The following PCCA variants were observed in gnomAD, a reference collection of about 807,000 sequenced individuals.
The protein encoded by PCCA is propionyl-CoA carboxylase subunit alpha.
In PCCA, 74 loss-of-function variants were observed where a neutral mutation model predicts 101.3. That is an observed-to-expected ratio of 0.73 (90% confidence interval 0.61 to 0.89). The LOEUF (loss-of-function observed/expected upper bound fraction) is 0.89, where lower values mean the gene tolerates loss of function less well. Ranked by LOEUF, PCCA falls within the 40% of genes least tolerant of loss-of-function variation. The pLI, the probability that PCCA is intolerant of heterozygous loss-of-function variation, is 0.00. For synonymous variants in PCCA, 294 were observed against 313.6 expected, an observed-to-expected ratio of 0.94 and a Z score of 0.66; for missense variants, 891 against 907.0, an observed-to-expected ratio of 0.98 and a Z score of 0.23.
At chr13:100,387,523 C>T (rs972576718) in intron 19 of PCCA, among the ~76,000 whole-genome samples, 3 of 152,106 alleles carry the variant, frequency 2.0e-5, no homozygotes, top group Admixed American at 1.3e-4. Flanking sequence ...CAAGAACATC[C>T]AAAAGTAACC....
intron 19 of PCCA, among the ~76,000 whole-genome samples, chr13:100,404,612 G>T (rs2077564063): frequency 6.6e-6 from 1 of 152,148 alleles, no homozygotes; most frequent in South Asian, 2.1e-4. Flanking sequence ...CTCAGGGTTA[G>T]TGAGGGAGAG....
intron 22 of PCCA, among the ~76,000 whole-genome samples, chr13:100,522,762 C>T (rs1281039199): frequency 6.6e-6 from 1 of 152,192 alleles, no homozygotes; most frequent in African/African-American, 2.4e-5. Flanking sequence ...GTGTGGGAGA[C>T]CACAGCTGTT....
chr13:100,285,166 G>A (rs1458091053), intron 12 of PCCA, among the ~76,000 whole-genome samples: 3 of 152,160 alleles, frequency 2.0e-5, no homozygotes, highest in Non-Finnish European at 2.9e-5. Flanking sequence ...GGGGTTCCTT[G>A]GAATTACTGG....
intron 16 of PCCA, among the ~76,000 whole-genome samples, chr13:100,329,388 T>C (rs900967887): frequency 2.6e-5 from 4 of 152,098 alleles, no homozygotes; most frequent in African/African-American, 9.7e-5. Flanking sequence ...TCAAGAAGTT[T>C]TGCAAAGGAG....
At chr13:100,383,610 G>A (rs540437778) in intron 19 of PCCA, among the ~76,000 whole-genome samples, 3 of 150,798 alleles carry the variant, frequency 2.0e-5, no homozygotes, top group African/African-American at 2.4e-5. Context: ...CCTGGACCCC[G>A]TGTCGAAAAA....
At chr13:100,412,551 G>T (rs1344273464) in intron 19 of PCCA, among the ~76,000 whole-genome samples, 1 of 152,200 alleles carries the variant, frequency 6.6e-6, no homozygotes. Context: ...AAGGACACTG[G>T]TAACTGTAAA....
chr13:100,152,138 T>C (rs1361055576), intron 4 of PCCA, among the ~76,000 whole-genome samples: 1 of 152,180 alleles, frequency 6.6e-6, no homozygotes, highest in East Asian at 1.9e-4. Flanking sequence ...ATGTTTTCTT[T>C]TGCATGGCCT....
At chr13:100,109,729 G>A (rs1273604681) in intron 2 of PCCA, among the ~76,000 whole-genome samples, 1 of 152,114 alleles carries the variant, frequency 6.6e-6, no homozygotes, top group African/African-American at 2.4e-5. Flanking sequence ...TTTAAGGCAG[G>A]GGCTTGGCTC....
chr13:100,460,429 A>C (rs549659832), intron 21 of PCCA, among the ~76,000 whole-genome samples: 75 of 152,318 alleles, frequency 4.9e-4, no homozygotes, highest in African/African-American at 1.7e-3. Flanking sequence ...ATGAAAGAGA[A>C]AATAAGCTTA....
chr13:100,334,814 T>A (rs1237136542), intron 17 of PCCA, among the ~76,000 whole-genome samples: 2 of 152,108 alleles, frequency 1.3e-5, no homozygotes, highest in Admixed American at 6.5e-5. Flanking sequence ...AAGTGCATAC[T>A]AGGAGTTTCA....
At chr13:100,466,650 G>A (rs2082540660) in intron 21 of PCCA, among the ~76,000 whole-genome samples, 1 of 152,120 alleles carries the variant, frequency 6.6e-6, no homozygotes, top group Non-Finnish European at 1.5e-5. Flanking sequence ...CTGAGGTCAC[G>A]AGTTTGAGAC....
At chr13:100,350,349 A>T (rs1300994396) in intron 18 of PCCA, among the ~76,000 whole-genome samples, 1 of 152,206 alleles carries the variant, frequency 6.6e-6, no homozygotes, top group Admixed American at 6.5e-5. Context: ...CAATAAAAAA[A>T]AATAGCACTT....
At chr13:100,239,983 C>G (rs1198260771) in intron 8 of PCCA, among the ~76,000 whole-genome samples, 1 of 152,062 alleles carries the variant, frequency 6.6e-6, no homozygotes, top group African/African-American at 2.4e-5. Flanking sequence ...GTAAATACAT[C>G]AATAGGCATT....
At chr13:100,472,873 A>T (rs181730856) in intron 21 of PCCA, among the ~76,000 whole-genome samples, 873 of 82,698 alleles carry the variant, frequency 0.011, 7 homozygotes, top group African/African-American at 0.03. Context: ...ATCATAAGAT[A>T]AAAAAAAAAA....
intron 6 of PCCA, among the ~76,000 whole-genome samples, chr13:100,202,985 A>G (rs1478479239): frequency 6.6e-6 from 1 of 152,070 alleles, no homozygotes; most frequent in African/African-American, 2.4e-5. Flanking sequence ...GAAATATTAG[A>G]TGATAGGCCA....
intron 8 of PCCA, among the ~76,000 whole-genome samples, chr13:100,239,766 G>C (rs1352664768): frequency 6.6e-6 from 1 of 152,120 alleles, no homozygotes; most frequent in Non-Finnish European, 1.5e-5. Flanking sequence ...ACAACTTCCA[G>C]ATTATTCAGA....
At chr13:100,525,656 C>T (rs1449422305) in intron 22 of PCCA, among the ~76,000 whole-genome samples, 6 of 152,342 alleles carry the variant, frequency 3.9e-5, no homozygotes, top group East Asian at 1.9e-4. Flanking sequence ...CTGTCTGGCC[C>T]GCAGATTCTG....
At chr13:100,386,616 C>T (rs186059614) in intron 19 of PCCA, among the ~76,000 whole-genome samples, 33 of 152,180 alleles carry the variant, frequency 2.2e-4, no homozygotes, top group African/African-American at 7.0e-4. Flanking sequence ...CTCCTGACGT[C>T]GTGATCCACC....
At chr13:100,174,034 A>G (rs2055986369) in intron 6 of PCCA, among the ~76,000 whole-genome samples, 1 of 152,150 alleles carries the variant, frequency 6.6e-6, no homozygotes. Context: ...TCTTCATAGC[A>G]GTATGAAAAT....
Sources: gnomAD v4.1 joint callset for allele counts (sites outside exome capture counted in the v4.1 genomes callset) on GRCh38, gnomAD v4.1.1 for gene constraint, MANE v1.5 for transcripts, NCBI Gene and HGNC (gene_info 2026-07-23, HGNC 2026-07-21) for gene names.